Variants in CHRM3 observed in about 807,000 individuals in gnomAD.
CHRM3 encodes the protein muscarinic acetylcholine receptor M3.
CHRM3 carries 11 observed loss-of-function variants against 41.8 expected under a neutral mutation model. That is an observed-to-expected ratio of 0.26 (90% CI 0.17 to 0.44). CHRM3 has a LOEUF of 0.44. Ranked by LOEUF, CHRM3 falls within the 20% of genes least tolerant of loss-of-function variation. The pLI, the probability that CHRM3 is intolerant of heterozygous loss-of-function variation, is 1.00. For missense variants in CHRM3, 571 were observed against 745.4 expected (o/e 0.77, Z 2.72); for synonymous variants, 297 against 301.4 (o/e 0.99, Z 0.15).
intron 1 of CHRM3, among the ~76,000 whole-genome samples, chr1:239,467,473 T>G: frequency 6.6e-6 from 1 of 152,148 alleles, no homozygotes; most frequent in African/African-American, 2.4e-5. Flanking sequence ...GGCTAATTTT[T>G]GTATTTTTAG....
intron 3 of CHRM3, among the ~76,000 whole-genome samples, chr1:239,564,863 C>T (rs1003798577): frequency 1.3e-5 from 2 of 152,160 alleles, no homozygotes; most frequent in Non-Finnish European, 2.9e-5. Context: ...GCAACTCTAA[C>T]AAAAGACCAC....
At chr1:239,543,668 C>G (rs760631425) in intron 2 of CHRM3, among the ~76,000 whole-genome samples, 1 of 151,950 alleles carries the variant, frequency 6.6e-6, no homozygotes, top group Non-Finnish European at 1.5e-5. Context: ...CCACCACGCC[C>G]GGCTAATTTT....
chr1:239,899,591 C>T lies in CHRM3; in HGVS notation c.-19-7842C>T, dbSNP rs1164601210. Among the ~76,000 whole-genome samples, 3 of 151,286 alleles carry T rather than the reference C, an allele frequency of 2.0e-5. No individual in the cohort carries two copies. The East Asian group carries it at 5.8e-4, about 29-fold the overall frequency. ...TGTGTGTGTATATATATAGTAAGTT[C>T]AACATGCAATGTATATATACACTAA... On this transcript the variant is annotated intron_variant, in intron 6 of 6. Coordinates refer to ENST00000676153, the MANE Select transcript of CHRM3 (RefSeq NM_001375978.1).
chr1:239,860,463 A>T (rs1265338919), intron 6 of CHRM3, among the ~76,000 whole-genome samples: 5 of 152,174 alleles, frequency 3.3e-5, no homozygotes, highest in Admixed American at 2.6e-4. Flanking sequence ...GTACAGGCTG[A>T]GTATCTTTTC....
chr1:239,431,486 T>C (rs1359639453), intron 1 of CHRM3, among the ~76,000 whole-genome samples: 1 of 152,200 alleles, frequency 6.6e-6, no homozygotes, highest in Non-Finnish European at 1.5e-5. Context: ...ATTTTTTCTC[T>C]AAAAGCTATT....
At chr1:239,580,972 T>C (rs1250432077) in intron 3 of CHRM3, among the ~76,000 whole-genome samples, 1 of 151,686 alleles carries the variant, frequency 6.6e-6, no homozygotes, top group Non-Finnish European at 1.5e-5. Flanking sequence ...CTCACAACAT[T>C]TGGCAGTGAC....
intron 6 of CHRM3, among the ~76,000 whole-genome samples, chr1:239,868,758 A>T (rs1296452546): frequency 1.3e-5 from 2 of 152,224 alleles, no homozygotes; most frequent in Admixed American, 6.5e-5. Context: ...AACCTGCCTG[A>T]GAAGCACATG....
In CHRM3 at chr1:239,745,739, T is replaced by C. The variant is rs1044834278; in HGVS notation, c.-147+67451T>C. Among the ~76,000 whole-genome samples, 4 of 152,274 alleles carry C rather than the reference T, an allele frequency of 2.6e-5. No individual in the cohort carries two copies. In the East Asian group the frequency reaches 5.8e-4, roughly 22 times the overall value. ...CAAGGCAAAGATGTTAGCCATATCA[T>C]ATTATGCTCTATCAAAAATTAGAAG... On this transcript the variant is annotated intron_variant, in intron 5 of 6. Coordinates refer to ENST00000676153, the MANE Select transcript of CHRM3 (RefSeq NM_001375978.1).
chr1:239,387,176 C>G lies in CHRM3; in HGVS notation c.-572C>G, dbSNP rs892683810. On this transcript the variant is annotated 5_prime_UTR_variant, in exon 1 of 7. Coordinates refer to ENST00000676153, the MANE Select transcript of CHRM3 (RefSeq NM_001375978.1). This position sits in a 1 kb window ranked among gnomAD's most constrained non-coding sequence, Gnocchi z 5.1. ...GGTGGAGCGGACGCCACCCGCGCAC[C>G]GGGCAGGCGCGGAGACCGGCGTGGG... 6.6e-6 allele frequency: 1 copy of G among 152,192 alleles called. No individual in the cohort carries two copies. Among genetic ancestry groups the G allele is most frequent in the Non-Finnish European group, 1.5e-5 (1 of 68,114 alleles). The allele number at this position is 152,192 out of a possible 1,614,324, so 9.4% of individuals were successfully genotyped here.
At chr1:239,788,324 A>T (rs566553110) in intron 5 of CHRM3, among the ~76,000 whole-genome samples, 127 of 152,324 alleles carry the variant, frequency 8.3e-4, no homozygotes, top group African/African-American at 2.9e-3. Flanking sequence ...AATATTGAGA[A>T]AGCAGACAAC....
Position 239,748,861 on chromosome 1 carries a change from C to T in CHRM3, c.-147+70573C>T, listed in dbSNP as rs16838878. Reference sequence around the variant, plus strand: ...ATGCAGAGCAAGATAACTTGACCTTCGTATTAACTGGCTAGCTTTACTGAA... The same window carrying T: ...ATGCAGAGCAAGATAACTTGACCTTTGTATTAACTGGCTAGCTTTACTGAA... On this transcript the variant is annotated intron_variant, in intron 5 of 6. Coordinates refer to ENST00000676153, the MANE Select transcript of CHRM3 (RefSeq NM_001375978.1). This position sits in a 1 kb window ranked among gnomAD's most constrained non-coding sequence, Gnocchi z 4.3. Among the ~76,000 whole-genome samples the T allele has an allele frequency of 0.04, 6,125 of 152,284 alleles. 202 individuals carry two copies. The highest frequency in any genetic ancestry group is 0.078 in the African/African-American group (3,246 of 41,554).
At chr1:239,628,600 T>A (rs1490368500) in intron 3 of CHRM3, among the ~76,000 whole-genome samples, 1 of 62,144 alleles carries the variant, frequency 1.6e-5, no homozygotes, top group African/African-American at 2.1e-4. Flanking sequence ...AGTTTCCAGT[T>A]TTTCTGTTCT....
intron 6 of CHRM3, among the ~76,000 whole-genome samples, chr1:239,837,326 G>A (rs1031140621): frequency 4.6e-5 from 7 of 152,086 alleles, no homozygotes; most frequent in Admixed American, 3.9e-4. Context: ...ACCTAGAATC[G>A]CAAAATGAGA....
chr1:239,515,878 T>TA (rs1386298507), intron 2 of CHRM3, among the ~76,000 whole-genome samples: 1 of 152,232 alleles, frequency 6.6e-6, no homozygotes, highest in Admixed American at 6.5e-5. Context: ...AAAAGCTCAG[T>TA]AAAAAGTCTC....
intron 5 of CHRM3, among the ~76,000 whole-genome samples, chr1:239,772,589 C>T (rs1426159162): frequency 6.6e-6 from 1 of 152,208 alleles, no homozygotes; most frequent in Non-Finnish European, 1.5e-5. Flanking sequence ...TCTACGTTGT[C>T]TACAGGCTAA....
At chr1:239,813,792 C>G (rs1281622016) in intron 5 of CHRM3, among the ~76,000 whole-genome samples, 3 of 130,666 alleles carry the variant, frequency 2.3e-5, no homozygotes, top group African/African-American at 3.2e-5. Context: ...TGGCGGGCGC[C>G]TGTAGTCCCA....
chr1:239,455,419 A>G (rs576612338), intron 1 of CHRM3, among the ~76,000 whole-genome samples: 69 of 152,098 alleles, frequency 4.5e-4, no homozygotes, highest in African/African-American at 1.6e-3. Flanking sequence ...GTGTTCCAGA[A>G]GAAGGCATCA....
intron 1 of CHRM3, among the ~76,000 whole-genome samples, chr1:239,469,755 C>G (rs1665984941): frequency 6.6e-6 from 1 of 152,068 alleles, no homozygotes; most frequent in South Asian, 2.1e-4. Flanking sequence ...GGTGGTTTCA[C>G]CATGTTGGCC....
At chr1:239,817,082 G>T (rs1172444455) in intron 5 of CHRM3, among the ~76,000 whole-genome samples, 1 of 152,150 alleles carries the variant, frequency 6.6e-6, no homozygotes, top group East Asian at 1.9e-4. Flanking sequence ...ACTGTGAGCT[G>T]ATGTATGCCA....
Sources: allele counts gnomAD v4.1 joint callset (sites outside exome capture counted in the v4.1 genomes callset), GRCh38; gene constraint gnomAD v4.1.1; non-coding constraint Gnocchi (gnomAD v3.1); transcripts MANE v1.5; gene names NCBI Gene and HGNC (gene_info 2026-07-23, HGNC 2026-07-21).